The following CMBL variants were observed in gnomAD, a reference collection of about 807,000 sequenced individuals.
CMBL encodes the protein carboxymethylenebutenolidase homolog.
In CMBL, 17 loss-of-function variants were observed where a neutral mutation model predicts 28.7. The ratio of observed to expected loss-of-function variants is 0.59; its 90% CI spans 0.41 to 0.89. The LOEUF (loss-of-function observed/expected upper bound fraction) is 0.89. Among genes scored for constraint, CMBL ranks in the 40% least tolerant of loss-of-function variants. CMBL has a pLI of 0.00. For missense variants in CMBL, 310 were observed against 298.5 expected (o/e 1.04, Z -0.28); for synonymous variants, 106 against 101.6 (o/e 1.04, Z -0.26).
intron 1 of CMBL, 33 bp downstream of exon 1, chr5:10,307,592 G>C (rs1747020724): frequency 1.3e-5 from 2 of 152,406 alleles, no homozygotes; most frequent in South Asian, 4.1e-4. Context: ...CCGGGCTTGT[G>C]TGGGCTTGTG....
intron 1 of CMBL, among the ~76,000 whole-genome samples, chr5:10,298,939 G>A (rs1161573463): frequency 6.6e-6 from 1 of 152,126 alleles, no homozygotes; most frequent in African/African-American, 2.4e-5. Flanking sequence ...GTGGGGTAGG[G>A]TGGACAAGGT....
At chr5:10,288,674 C>T (rs1191311942) in intron 2 of CMBL, 145 bp from the exon 3 acceptor site, 4 of 642,390 alleles carry the variant, frequency 6.2e-6, no homozygotes, top group Non-Finnish European at 1.1e-5. Context: ...ATTTTGATCG[C>T]AGCAAAGCAG....
intron 1 of CMBL, among the ~76,000 whole-genome samples, chr5:10,297,165 A>G (rs1746823477): frequency 7.2e-6 from 1 of 139,656 alleles, no homozygotes; most frequent in Admixed American, 7.3e-5. Flanking sequence ...AGCCTAGGCA[A>G]TAGAGTGAGA....
At chr5:10,288,324 A>T in intron 3 of CMBL, 98 bp downstream of exon 3, 1 of 865,748 alleles carries the variant, frequency 1.2e-6, no homozygotes, top group South Asian at 1.4e-5. Flanking sequence ...GAGAAGTCCT[A>T]CCCCAAGGTA....
intron 1 of CMBL, among the ~76,000 whole-genome samples, chr5:10,301,672 G>A (rs1376701931): frequency 7.0e-6 from 1 of 141,984 alleles, no homozygotes; most frequent in Non-Finnish European, 1.5e-5. Context: ...CACGATCTCC[G>A]CTCACTGCAA....
At chr5:10,296,712 G>A (rs538337665) in intron 1 of CMBL, among the ~76,000 whole-genome samples, 25 of 152,314 alleles carry the variant, frequency 1.6e-4, no homozygotes, top group African/African-American at 4.3e-4. Flanking sequence ...CCAGTGACGG[G>A]GGAGGAAGAC....
intron 1 of CMBL, among the ~76,000 whole-genome samples, chr5:10,295,948 T>C (rs1746801241): frequency 6.6e-6 from 1 of 152,256 alleles, no homozygotes; most frequent in Admixed American, 6.5e-5. Flanking sequence ...AGTGCTCACA[T>C]GCTATCTAGC....
At chr5:10,292,921 G>A (rs1297560653) in intron 1 of CMBL, among the ~76,000 whole-genome samples, 7 of 151,924 alleles carry the variant, frequency 4.6e-5, no homozygotes, top group Non-Finnish European at 7.4e-5. Context: ...TGAACAACTG[G>A]AGAACACAGT....
At chr5:10,284,815 G>A (rs755512040) in intron 4 of CMBL, among the ~76,000 whole-genome samples, 8 of 152,060 alleles carry the variant, frequency 5.3e-5, no homozygotes, top group Non-Finnish European at 1.0e-4. Context: ...TTTCCTATGT[G>A]TCTTTTTTGT....
intron 1 of CMBL, among the ~76,000 whole-genome samples, chr5:10,295,136 C>T (rs892557413): frequency 6.0e-5 from 9 of 150,646 alleles, no homozygotes; most frequent in South Asian, 4.2e-4. Context: ...CAGGCTGGAG[C>T]GTAGTGGCAT....
chr5:10,301,216 A>C (rs1465743670), intron 1 of CMBL, among the ~76,000 whole-genome samples: 1 of 152,212 alleles, frequency 6.6e-6, no homozygotes, highest in Non-Finnish European at 1.5e-5. Flanking sequence ...TGGCTGTTAT[A>C]TAATTCCCTT....
At chr5:10,297,193 AAAAG>A (rs1420140131) in intron 1 of CMBL, among the ~76,000 whole-genome samples, 2 of 151,244 alleles carry the variant, frequency 1.3e-5, no homozygotes, top group African/African-American at 2.4e-5. Flanking sequence ...TCAAAAAAAA[AAAAG>A]AGAGAGAGAG....
chr5:10,291,772 C>A (rs1162344727), intron 1 of CMBL, among the ~76,000 whole-genome samples: 1 of 152,186 alleles, frequency 6.6e-6, no homozygotes, highest in Non-Finnish European at 1.5e-5. Context: ...GACTCTGGGC[C>A]AGTGAACTGC....
At chr5:10,288,771 A>C (rs1380546044) in intron 2 of CMBL, among the ~76,000 whole-genome samples, 1 of 152,204 alleles carries the variant, frequency 6.6e-6, no homozygotes, top group Non-Finnish European at 1.5e-5. Flanking sequence ...AGCCCTGGCA[A>C]TGAGGCTATC....
At chr5:10,300,422 G>T (rs1421745219) in intron 1 of CMBL, among the ~76,000 whole-genome samples, 1 of 152,104 alleles carries the variant, frequency 6.6e-6, no homozygotes, top group Non-Finnish European at 1.5e-5. Context: ...GTAATGTTAT[G>T]GCAGCCCTAG....
At chr5:10,303,001 A>G (rs1037395780) in intron 1 of CMBL, among the ~76,000 whole-genome samples, 5 of 152,322 alleles carry the variant, frequency 3.3e-5, no homozygotes, top group Non-Finnish European at 5.9e-5. Flanking sequence ...ATTGCCTCTA[A>G]GGGTAGCCAT....
intron 4 of CMBL, among the ~76,000 whole-genome samples, chr5:10,285,803 A>G (rs768155483): frequency 8.1e-5 from 12 of 147,698 alleles, no homozygotes; most frequent in Non-Finnish European, 1.0e-4. Flanking sequence ...GGCTCAAGCG[A>G]TTTTCCCACC....
intron 5 of CMBL, among the ~76,000 whole-genome samples, chr5:10,281,743 G>T (rs1375039048): frequency 6.6e-6 from 1 of 152,058 alleles, no homozygotes; most frequent in African/African-American, 2.4e-5. Flanking sequence ...TTCCACACTG[G>T]AATTATATAA....
At position 10,290,594 on chromosome 5, in the gene CMBL, G is replaced by A. The variant is rs1291686841; in HGVS notation, c.169C>T (p.Pro57Ser). 1.2e-6 allele frequency: 2 copies of A among 1,614,120 alleles called. No individual in the cohort carries two copies. Among genetic ancestry groups the A allele is most frequent in the Non-Finnish European group, 1.7e-6 (2 of 1,180,028 alleles). The change falls in exon 2 of 6, where the codon CCC (proline) becomes TCC (serine). Residue 57 changes from proline to serine, a missense_variant. Coordinates refer to ENST00000296658, the MANE Select transcript of CMBL (RefSeq NM_138809.4). ...ATGTCAGCTATATATCTGGTATTGGGCAACTGCCAGCCAAATATATCTTGA... is the reference window on the plus strand; with the variant it reads ...ATGTCAGCTATATATCTGGTATTGGACAACTGCCAGCCAAATATATCTTGA... ...VIQDIFGWQL[P>S]NTRYIADMIS...
Sources: gnomAD v4.1 joint callset for allele counts (sites outside exome capture counted in the v4.1 genomes callset) on GRCh38, gnomAD v4.1.1 for gene constraint, MANE v1.5 for transcripts, NCBI Gene and HGNC (gene_info 2026-07-23, HGNC 2026-07-21) for gene names.